Variants in CDC14A observed in about 807,000 individuals in gnomAD.
CDC14A encodes the protein dual specificity protein phosphatase CDC14A.
In CDC14A, 53 loss-of-function variants were observed where a neutral mutation model predicts 74.4. The ratio of observed to expected loss-of-function variants is 0.71; its 90% CI spans 0.57 to 0.89. The LOEUF is 0.89. Ranked by LOEUF, CDC14A falls within the 40% of genes least tolerant of loss-of-function variation. The pLI is 0.00. For missense variants in CDC14A, 646 were observed against 713.7 expected (o/e 0.91, Z 1.08); for synonymous variants, 247 against 258.4 (o/e 0.96, Z 0.43).
intron 15 of CDC14A, among the ~76,000 whole-genome samples, chr1:100,513,693 TGCCATGATTAGGTA>T (rs1649969494): frequency 6.6e-6 from 1 of 152,212 alleles, no homozygotes; most frequent in Non-Finnish European, 1.5e-5. Flanking sequence ...GACATGTTCC[TGCCATGATTAGGTA>T]ACTGGGCTGT....
intron 10 of CDC14A, among the ~76,000 whole-genome samples, chr1:100,470,880 A>G (rs1174609599): frequency 6.6e-6 from 1 of 152,140 alleles, no homozygotes; most frequent in Non-Finnish European, 1.5e-5. Flanking sequence ...ATTTCTCATA[A>G]CGTTAATCTA....
chr1:100,442,489 G>A (rs572826475), intron 6 of CDC14A, among the ~76,000 whole-genome samples: 2 of 149,862 alleles, frequency 1.3e-5, no homozygotes, highest in East Asian at 3.9e-4. Flanking sequence ...GGGTTTTTTT[G>A]GGGGGCTAAA....
At chr1:100,373,430 A>G (rs1654758323) in intron 2 of CDC14A, among the ~76,000 whole-genome samples, 1 of 152,216 alleles carries the variant, frequency 6.6e-6, no homozygotes, top group Non-Finnish European at 1.5e-5. Context: ...AATAATGAAA[A>G]TTTAAAATAT....
intron 4 of CDC14A, among the ~76,000 whole-genome samples, chr1:100,422,591 T>A (rs955740619): frequency 2.0e-5 from 3 of 152,206 alleles, no homozygotes; most frequent in African/African-American, 7.2e-5. Context: ...TTGTAATTAT[T>A]TGAGCTGCAA....
intron 11 of CDC14A, among the ~76,000 whole-genome samples, chr1:100,492,858 G>GTA (rs1557823964): frequency 2.0e-5 from 3 of 148,450 alleles, no homozygotes; most frequent in East Asian, 1.9e-4. Context: ...GTGTGTGTGT[G>GTA]TGTGTATGTG....
intron 2 of CDC14A, among the ~76,000 whole-genome samples, chr1:100,371,814 T>C (rs1654515512): frequency 6.6e-6 from 1 of 152,172 alleles, no homozygotes; most frequent in Admixed American, 6.5e-5. Flanking sequence ...AGTGTCAATA[T>C]TCATATACAA....
At chr1:100,431,390 C>T (rs17122475) in intron 5 of CDC14A, among the ~76,000 whole-genome samples, 3,011 of 151,724 alleles carry the variant, frequency 0.02, 110 homozygotes, top group African/African-American at 0.069. Flanking sequence ...GTACTCTTTA[C>T]GGTATATTTC....
rs1651210302 is a variant in CDC14A, at chr1:100,352,565, G to T, written c.-390G>T. On this transcript the variant is annotated 5_prime_UTR_variant, in exon 1 of 16. Coordinates refer to ENST00000336454, the MANE Select transcript of CDC14A (RefSeq NM_003672.4). The stretch of plus-strand genomic sequence containing the variant: ...TCCCGGCTGCCGCTCGAGTAGCCAC[G>T]GGCGCGATCGGGACCAGAAGTCTCC... 2 of 1,043,828 alleles carry T rather than the reference G, an allele frequency of 1.9e-6. No individual in the cohort carries two copies. The highest frequency in any genetic ancestry group is 2.3e-6 in the Non-Finnish European group (2 of 868,126). 64.7% of individuals were successfully genotyped at this position (1,043,828 alleles called of 1,614,324 possible). A position where few individuals can be genotyped will look rare whatever the true frequency, so the allele number is the denominator to read the frequency against.
chr1:100,355,996 T>A (rs1651834011), intron 2 of CDC14A, among the ~76,000 whole-genome samples: 2 of 152,176 alleles, frequency 1.3e-5, no homozygotes, highest in Non-Finnish European at 2.9e-5. Flanking sequence ...CAAGGTCTTA[T>A]CAGGCAGAGA....
intron 15 of CDC14A, among the ~76,000 whole-genome samples, chr1:100,509,393 G>A (rs1265932684): frequency 6.6e-6 from 1 of 152,142 alleles, no homozygotes; most frequent in Non-Finnish European, 1.5e-5. Context: ...CCTTGATTGA[G>A]GTTAGAAAAT....
chr1:100,500,334 TGCTTCTGTAGAGA>T (rs1421672723), intron 15 of CDC14A, among the ~76,000 whole-genome samples: 1 of 152,160 alleles, frequency 6.6e-6, no homozygotes, highest in Non-Finnish European at 1.5e-5. Flanking sequence ...AGGGAGTGCC[TGCTTCTGTAGAGA>T]AGAGGGGAGG....
intron 10 of CDC14A, among the ~76,000 whole-genome samples, chr1:100,483,704 A>C (rs2101356105): frequency 6.6e-6 from 1 of 152,308 alleles, no homozygotes; most frequent in Middle Eastern, 3.4e-3. Context: ...GAATGAAAGA[A>C]AGTTTATACA....
chr1:100,388,506 C>G (rs539984334), intron 3 of CDC14A, among the ~76,000 whole-genome samples: 1 of 152,166 alleles, frequency 6.6e-6, no homozygotes, highest in Non-Finnish European at 1.5e-5. Context: ...CCTTTGTTCT[C>G]TCTTTATTTC....
chr1:100,390,870 A>G, intron 4 of CDC14A, 46 bp downstream of exon 4: 1 of 1,333,530 alleles, frequency 7.5e-7, no homozygotes, highest in Non-Finnish European at 1.1e-6. Context: ...GGCCAGTGAA[A>G]TGCTAACACT....
chr1:100,518,182 G>A, intron 15 of CDC14A, 69 bp from the exon 16 acceptor site: 1 of 1,176,170 alleles, frequency 8.5e-7, no homozygotes, highest in Non-Finnish European at 1.3e-6. Context: ...GAAGGGAGAA[G>A]CTGCATGACT....
intron 2 of CDC14A, among the ~76,000 whole-genome samples, chr1:100,365,721 T>G (rs544753213): frequency 1.6e-4 from 25 of 152,256 alleles, no homozygotes; most frequent in African/African-American, 5.8e-4. Context: ...CTAAAGGGCT[T>G]GAGCAAAAAC....
intron 2 of CDC14A, among the ~76,000 whole-genome samples, chr1:100,372,073 T>G (rs1654551370): frequency 6.6e-6 from 1 of 152,248 alleles, no homozygotes; most frequent in Non-Finnish European, 1.5e-5. Flanking sequence ...TATACTATAC[T>G]GTGGTCTATT....
upstream of CDC14A, among the ~76,000 whole-genome samples, chr1:100,348,100 G>A (rs1650585613): frequency 6.6e-6 from 1 of 151,970 alleles, no homozygotes; most frequent in Non-Finnish European, 1.5e-5. Context: ...TGGCCAATAT[G>A]GCAAAACCCC....
intron 10 of CDC14A, among the ~76,000 whole-genome samples, chr1:100,482,396 G>A (rs1669574127): frequency 6.6e-6 from 1 of 152,034 alleles, no homozygotes; most frequent in South Asian, 2.1e-4. Context: ...TGTTTTCTTT[G>A]ATATCACTAT....
Sources: gnomAD v4.1 joint callset for allele counts (sites outside exome capture counted in the v4.1 genomes callset) on GRCh38, gnomAD v4.1.1 for gene constraint, MANE v1.5 for transcripts, NCBI Gene and HGNC (gene_info 2026-07-23, HGNC 2026-07-21) for gene names.